The following EYA2 variants were observed in gnomAD, a reference collection of about 807,000 sequenced individuals.
The protein encoded by EYA2 is EYA transcriptional coactivator and phosphatase 2.
In EYA2, 31 loss-of-function variants were observed where a neutral mutation model predicts 69.2. The observed-to-expected ratio is 0.45, with a 90% CI of 0.34 to 0.60. EYA2 has a LOEUF of 0.60. Ranked by LOEUF, EYA2 falls within the 20% of genes least tolerant of loss-of-function variation. The probability of loss-of-function intolerance (pLI) is 0.02; values close to 1 mark genes in which losing one functional copy is unlikely to be tolerated. For missense variants in EYA2, 622 were observed against 701.2 expected (o/e 0.89, Z 1.28); for synonymous variants, 257 against 279.4 (o/e 0.92, Z 0.80).
At chr20:47,148,056 C>A (rs2033742409) in intron 10 of EYA2, among the ~76,000 whole-genome samples, 2 of 99,710 alleles carry the variant, frequency 2.0e-5, no homozygotes, top group Non-Finnish European at 2.1e-5. Flanking sequence ...AAGACTCTGT[C>A]TCAAAAAAAA....
At chr20:47,070,409 G>C (rs190773663) in intron 5 of EYA2, among the ~76,000 whole-genome samples, 3 of 152,322 alleles carry the variant, frequency 2.0e-5, no homozygotes, top group East Asian at 3.9e-4. Context: ...CCAAGTGCTG[G>C]AGAATCGAGA....
In EYA2 at chr20:47,116,311, G is replaced by T. The variant is rs531459044; in HGVS notation, c.888+19143G>T. Reference sequence around the variant, plus strand: ...TCCTGCCTCAGCCTCTCGAGTAGCTGGGATGACAGGCGCCTGCCAATACGC... The same window carrying T: ...TCCTGCCTCAGCCTCTCGAGTAGCTTGGATGACAGGCGCCTGCCAATACGC... On this transcript the variant is annotated intron_variant, in intron 9 of 15. Coordinates refer to ENST00000327619, the MANE Select transcript of EYA2 (RefSeq NM_005244.5). Among the ~76,000 whole-genome samples, 3 of 151,776 alleles carry T rather than the reference G, an allele frequency of 2.0e-5. No individual in the cohort carries two copies. The South Asian group carries it at 6.3e-4, about 32-fold the overall frequency.
intron 5 of EYA2, among the ~76,000 whole-genome samples, chr20:47,027,828 T>C (rs746447953): frequency 1.3e-5 from 2 of 152,222 alleles, no homozygotes; most frequent in Non-Finnish European, 2.9e-5. Context: ...AACTGAGGAA[T>C]TGAATTTTTA....
At chr20:47,047,396 C>CTTTTTTT (rs775373584) in intron 5 of EYA2, among the ~76,000 whole-genome samples, 2 of 148,164 alleles carry the variant, frequency 1.3e-5, no homozygotes, top group Non-Finnish European at 1.5e-5. Context: ...CTCTCTCTCT[C>CTTTTTTT]TTTTTTTTGA....
chr20:46,911,443 G>T (rs994484361), intron 1 of EYA2, among the ~76,000 whole-genome samples: 1 of 152,204 alleles, frequency 6.6e-6, no homozygotes, highest in African/African-American at 2.4e-5. Flanking sequence ...GGCAGTAGAG[G>T]TTATGAGTTG....
intron 1 of EYA2, among the ~76,000 whole-genome samples, chr20:46,918,021 A>G (rs1253981226): frequency 6.6e-6 from 1 of 152,172 alleles, no homozygotes; most frequent in African/African-American, 2.4e-5. Context: ...ACATCTTTCA[A>G]AATTAGAGTC....
intron 5 of EYA2, among the ~76,000 whole-genome samples, chr20:47,060,437 C>G (rs911218941): frequency 1.3e-5 from 2 of 152,288 alleles, no homozygotes; most frequent in African/African-American, 4.8e-5. Flanking sequence ...AAAGAATAGT[C>G]TTTCCCAGAA....
chr20:47,055,784 C>G (rs1600674515), intron 5 of EYA2, among the ~76,000 whole-genome samples: 1 of 152,204 alleles, frequency 6.6e-6, no homozygotes, highest in African/African-American at 2.4e-5. Context: ...CCCTGTTTAA[C>G]TGAAATCAAC....
intron 9 of EYA2, among the ~76,000 whole-genome samples, chr20:47,135,842 C>CAAAAAAAAAAAAAAAAAA (rs1266669397): frequency 1.9e-5 from 1 of 54,026 alleles, no homozygotes; most frequent in Admixed American, 2.1e-4. Context: ...AAAAAAAAAA[C>CAAAAAAAAAAAAAAAAAA]AAACAAACAA....
intron 1 of EYA2, among the ~76,000 whole-genome samples, chr20:46,942,050 C>T (rs1986176792): frequency 6.6e-6 from 1 of 152,142 alleles, no homozygotes; most frequent in Non-Finnish European, 1.5e-5. Context: ...AGCCCCTGTG[C>T]CTGGCCTAGA....
chr20:47,021,707 G>A (rs1213131880), intron 5 of EYA2, among the ~76,000 whole-genome samples: 4 of 150,490 alleles, frequency 2.7e-5, no homozygotes, highest in Admixed American at 2.6e-4. Flanking sequence ...AAGGGCCAGG[G>A]AACATAAAGA....
intron 7 of EYA2, among the ~76,000 whole-genome samples, chr20:47,078,318 TGCGC>T (rs141520850): frequency 0.016 from 2,086 of 130,256 alleles, 52 homozygotes; most frequent in African/African-American, 0.051. Context: ...CATGTGCACG[TGCGC>T]GCGCGCGCGC....
intron 14 of EYA2, among the ~76,000 whole-genome samples, chr20:47,183,042 C>G (rs1239212676): frequency 6.6e-6 from 1 of 152,222 alleles, no homozygotes; most frequent in African/African-American, 2.4e-5. Context: ...CCTGCTCTAA[C>G]CCCTGCGCTG....
intron 10 of EYA2, 112 bp from the exon 11 acceptor site, chr20:47,169,027 C>A (rs2034263392): frequency 7.6e-6 from 7 of 917,108 alleles, no homozygotes; most frequent in Non-Finnish European, 1.2e-5. Flanking sequence ...CTGATGACTC[C>A]CAGTGCAGTG....
At chr20:46,930,708 A>T (rs1259843472) in intron 1 of EYA2, among the ~76,000 whole-genome samples, 3 of 152,220 alleles carry the variant, frequency 2.0e-5, no homozygotes. Flanking sequence ...AGAAATAATT[A>T]AACAGTTGCA....
chr20:46,976,012 T>G (rs1181015049), intron 1 of EYA2, among the ~76,000 whole-genome samples: 1 of 152,204 alleles, frequency 6.6e-6, no homozygotes, highest in Non-Finnish European at 1.5e-5. Flanking sequence ...CTCAGTCCGC[T>G]TGGCTGAAGG....
intron 15 of EYA2, among the ~76,000 whole-genome samples, chr20:47,187,840 C>T (rs3818008): frequency 0.49 from 73,961 of 152,138 alleles, 18,433 homozygotes; most frequent in African/African-American, 0.58. Context: ...TGGATAAGCC[C>T]GTCAGAGCAG....
intron 5 of EYA2, among the ~76,000 whole-genome samples, chr20:47,019,391 G>A (rs1245155737): frequency 2.0e-5 from 3 of 152,216 alleles, no homozygotes; most frequent in African/African-American, 7.2e-5. Context: ...CATTTTGCAA[G>A]CCTGACATAT....
chr20:47,110,276 C>T (rs2032710898), intron 9 of EYA2, among the ~76,000 whole-genome samples: 1 of 152,196 alleles, frequency 6.6e-6, no homozygotes, highest in African/African-American at 2.4e-5. Flanking sequence ...CAGGGTCTCA[C>T]TCTGTCACTC....
Sources: allele counts gnomAD v4.1 joint callset (sites outside exome capture counted in the v4.1 genomes callset), GRCh38; gene constraint gnomAD v4.1.1; transcripts MANE v1.5; gene names NCBI Gene and HGNC (gene_info 2026-07-23, HGNC 2026-07-21).